The following SGCD variants were observed in gnomAD, a reference collection of about 807,000 sequenced individuals.
SGCD encodes delta-sarcoglycan.
SGCD carries 18 observed loss-of-function variants against 36.6 expected under a neutral mutation model. The observed-to-expected ratio is 0.49, with a 90% CI of 0.34 to 0.73. The LOEUF is 0.73. SGCD is among the 30% of genes least tolerant of loss of function. The probability of loss-of-function intolerance (pLI) is 0.01; values close to 1 mark genes in which losing one functional copy is unlikely to be tolerated. For missense variants in SGCD, 387 were observed against 346.7 expected (o/e 1.12, Z -0.92); for synonymous variants, 133 against 130.6 (o/e 1.02, Z -0.12).
chr5:156,106,347 A>G (rs1306885413), intron 1 of SGCD, among the ~76,000 whole-genome samples: 2 of 152,096 alleles, frequency 1.3e-5, no homozygotes. Context: ...TGAAGGAAAA[A>G]CAGGACTACA....
intron 3 of SGCD, among the ~76,000 whole-genome samples, chr5:156,259,136 T>G (rs1228987248): frequency 6.6e-6 from 1 of 151,042 alleles, no homozygotes; most frequent in African/African-American, 2.4e-5. Flanking sequence ...ATTTATTTAT[T>G]TATTTATTTA....
chr5:155,945,835 A>G (rs1333611435), intron 1 of SGCD, among the ~76,000 whole-genome samples: 3 of 152,168 alleles, frequency 2.0e-5, no homozygotes, highest in Non-Finnish European at 4.4e-5. Flanking sequence ...TAAAGGCAGG[A>G]GCGACTTGTT....
chr5:156,491,496 G>A (rs1755935329), intron 3 of SGCD, among the ~76,000 whole-genome samples: 1 of 152,094 alleles, frequency 6.6e-6, no homozygotes, highest in Non-Finnish European at 1.5e-5. Context: ...TGGACACATA[G>A]ACCAGTGTAG....
chr5:156,011,690 G>A (rs924344698), intron 1 of SGCD, among the ~76,000 whole-genome samples: 1 of 152,030 alleles, frequency 6.6e-6, no homozygotes, highest in East Asian at 1.9e-4. Context: ...CACCTACCTC[G>A]GCCTCTGAAT....
chr5:156,110,349 G>T (rs1465826387), intron 1 of SGCD, among the ~76,000 whole-genome samples: 2 of 152,032 alleles, frequency 1.3e-5, no homozygotes, highest in African/African-American at 4.8e-5. Flanking sequence ...CCTCTATGAG[G>T]CTTTATTATA....
chr5:156,550,395 T>C (rs1758744223), intron 4 of SGCD, among the ~76,000 whole-genome samples: 1 of 152,182 alleles, frequency 6.6e-6, no homozygotes, highest in Non-Finnish European at 1.5e-5. Context: ...GCTAAGTGCT[T>C]CACGACACTT....
intron 3 of SGCD, among the ~76,000 whole-genome samples, chr5:156,310,893 T>C (rs1767374695): frequency 6.6e-6 from 1 of 151,824 alleles, no homozygotes; most frequent in South Asian, 2.1e-4. Context: ...TACAGAGGAG[T>C]ACAGGGTTTG....
chr5:156,673,632 C>A (rs1471816658), intron 7 of SGCD, among the ~76,000 whole-genome samples: 1 of 152,188 alleles, frequency 6.6e-6, no homozygotes. Flanking sequence ...AATAACAAAG[C>A]ACAGAGGAAT....
At chr5:155,931,286 G>A (rs1208062421) in intron 1 of SGCD, among the ~76,000 whole-genome samples, 22 of 152,144 alleles carry the variant, frequency 1.4e-4, no homozygotes, top group Non-Finnish European at 1.5e-4. Context: ...TTCCATTGGG[G>A]GTTATAAGAA....
chr5:156,543,063 T>A (rs1252307088), intron 4 of SGCD, among the ~76,000 whole-genome samples: 1 of 152,184 alleles, frequency 6.6e-6, no homozygotes, highest in Non-Finnish European at 1.5e-5. Context: ...CTAAGAAACT[T>A]CTCAAGGCAG....
chr5:155,762,339 T>TGGTTA, the SGCD span, among the ~76,000 whole-genome samples: 2 of 152,206 alleles, frequency 1.3e-5, no homozygotes, highest in Non-Finnish European at 2.9e-5. Flanking sequence ...ATGCATCTTA[T>TGGTTA]AGTCAAAACT....
chr5:156,668,832 T>A (rs1038629491), intron 7 of SGCD, among the ~76,000 whole-genome samples: 48 of 152,056 alleles, frequency 3.2e-4, no homozygotes, highest in African/African-American at 1.1e-3. Flanking sequence ...CTCTGAGTCA[T>A]GGAGGAGGGA....
At chr5:156,032,365 A>C (rs890546878) in intron 1 of SGCD, among the ~76,000 whole-genome samples, 20 of 151,966 alleles carry the variant, frequency 1.3e-4, no homozygotes, top group Non-Finnish European at 4.4e-5. Flanking sequence ...AGTCTTATTC[A>C]AATTTATTTC....
intron 7 of SGCD, among the ~76,000 whole-genome samples, chr5:156,697,750 C>CAGAT (rs773596086): frequency 4.7e-5 from 7 of 149,048 alleles, no homozygotes; most frequent in Non-Finnish European, 8.9e-5. Flanking sequence ...GATGGACGGA[C>CAGAT]GGATGGATGG....
At chr5:155,788,604 G>A in the SGCD span, among the ~76,000 whole-genome samples, 2 of 152,066 alleles carry the variant, frequency 1.3e-5, no homozygotes, top group East Asian at 1.9e-4. Flanking sequence ...CCTTCACTAG[G>A]TCTTCTATAG....
In SGCD at chr5:156,620,816, G is replaced by A. The variant is rs188846243; in HGVS notation, c.502+25765G>A. 1.5e-4 allele frequency among the ~76,000 whole-genome samples: 23 copies of A among 152,268 alleles called. 1 individual carries two copies. Among genetic ancestry groups the A allele is most frequent in the Admixed American group, 1.5e-3 (23 of 15,292 alleles). ...GGAATTACTTACTTTCCCAAAGACT[G>A]AATTAAGGAATATCTCAGGGTTGTG... On this transcript the variant is annotated intron_variant, in intron 6 of 8. Transcript: ENST00000337851.
intron 1 of SGCD, among the ~76,000 whole-genome samples, chr5:155,917,830 G>T (rs1756786491): frequency 6.6e-6 from 1 of 151,980 alleles, no homozygotes; most frequent in African/African-American, 2.4e-5. Context: ...AACTTCCAGG[G>T]TAAGAGCTAT....
intron 3 of SGCD, among the ~76,000 whole-genome samples, chr5:156,239,852 T>A (rs1039278615): frequency 6.6e-5 from 10 of 152,214 alleles, no homozygotes; most frequent in African/African-American, 2.4e-4. Flanking sequence ...CTATAAACTG[T>A]TAGGGAAACA....
intron 1 of SGCD, among the ~76,000 whole-genome samples, chr5:155,883,750 G>T (rs560296378): frequency 7.7e-6 from 1 of 129,610 alleles, no homozygotes. Context: ...AAATTGTGCC[G>T]ATAGACTTGC....
Sources: allele counts gnomAD v4.1 joint callset (sites outside exome capture counted in the v4.1 genomes callset), GRCh38; gene constraint gnomAD v4.1.1; transcripts MANE v1.5; gene names NCBI Gene and HGNC (gene_info 2026-07-23, HGNC 2026-07-21).